The following FOCAD variants were observed in gnomAD, a reference collection of about 807,000 sequenced individuals.
FOCAD encodes the protein KIAA1797.
In FOCAD, 198 loss-of-function variants were observed where a neutral mutation model predicts 225.6. The observed-to-expected ratio is 0.88, with a 90% CI of 0.78 to 0.99. FOCAD has a LOEUF of 0.99. Ranked by LOEUF, FOCAD falls within the 50% of genes least tolerant of loss-of-function variation. The pLI, the probability that FOCAD is intolerant of heterozygous loss-of-function variation, is 0.00. For missense variants in FOCAD, 2,713 were observed against 2,123.6 expected (o/e 1.28, Z -5.46); for synonymous variants, 897 against 755.0 (o/e 1.19, Z -3.08).
Position 20,820,232 on chromosome 9 carries a change from T to C in FOCAD, c.1561-92T>C, listed in dbSNP as rs545544057. The C allele has an allele frequency of 8.7e-5, 76 of 875,836 alleles. No homozygotes were observed. In the African/African-American group the frequency reaches 1.1e-3, roughly 13 times the overall value. 54.3% of individuals were successfully genotyped at this position (875,836 alleles called of 1,614,324 possible). On this transcript the variant is annotated intron_variant, in intron 12 of 43. Transcript: ENST00000338382. ...CAGCAAGCTTTCTTCTCAGTCTTCA[T>C]TTTATAACAAGGGGTTTAAAAATGC... is the stretch of plus-strand genomic sequence containing the variant.
intron 39 of FOCAD, 87 bp downstream of exon 39, chr9:20,982,533 G>T: frequency 9.3e-7 from 1 of 1,077,252 alleles, no homozygotes. Context: ...GCTGAAGCAA[G>T]TTTTGCTTCA....
intron 21 of FOCAD, among the ~76,000 whole-genome samples, chr9:20,885,882 G>T (rs1831064631): frequency 1.3e-5 from 2 of 152,118 alleles, no homozygotes; most frequent in South Asian, 4.1e-4. Context: ...AAAACAAAAT[G>T]TCACAGCAAA....
chr9:20,693,710 A>T (rs961390462), intron 1 of FOCAD, among the ~76,000 whole-genome samples: 5 of 151,938 alleles, frequency 3.3e-5, no homozygotes, highest in African/African-American at 7.3e-5. Context: ...ATCACTATTT[A>T]TTTATTTATT....
At chr9:20,908,784 CT>C (rs1463598467) in intron 22 of FOCAD, among the ~76,000 whole-genome samples, 1 of 152,064 alleles carries the variant, frequency 6.6e-6, no homozygotes, top group Non-Finnish European at 1.5e-5. Context: ...AGAGTATGTA[CT>C]TTTTCTCACA....
intron 23 of FOCAD, among the ~76,000 whole-genome samples, chr9:20,913,681 G>A (rs1006321645): frequency 6.6e-6 from 1 of 152,112 alleles, no homozygotes; most frequent in Admixed American, 6.6e-5. Context: ...CTGTGTGTAT[G>A]TATTTGATTA....
intron 1 of FOCAD, among the ~76,000 whole-genome samples, chr9:20,708,139 A>C (rs1351730067): frequency 5.9e-5 from 9 of 152,184 alleles, no homozygotes; most frequent in African/African-American, 1.4e-4. Context: ...AGTCTTGATA[A>C]ATTTATAAAA....
intron 1 of FOCAD, among the ~76,000 whole-genome samples, chr9:20,693,180 A>G (rs938054047): frequency 6.6e-6 from 1 of 152,048 alleles, no homozygotes; most frequent in African/African-American, 2.4e-5. Context: ...TCTCTCTCTT[A>G]CTTAATCTGC....
intron 9 of FOCAD, among the ~76,000 whole-genome samples, chr9:20,779,474 C>T (rs1033371746): frequency 2.0e-5 from 3 of 152,150 alleles, no homozygotes; most frequent in East Asian, 1.9e-4. Context: ...AGGCCAGGCA[C>T]GGTGGCTCAT....
In FOCAD at chr9:20,717,822, T is replaced by G; in HGVS notation, c.86T>G (p.Leu29Arg). ...GTGGGTCATCTTATTGCTGCAGTCC[T>G]AAAGGAAAATGGTTTTTCAGAAAAG... ...QAVGHLIAAV[L>R]KENGFSEKIH... Residue 29 changes from leucine to arginine, a missense_variant, in exon 3 of 44, where the codon CTA (leucine) becomes CGA (arginine). Physicochemically the swap from Leu to Arg is moderately radical, Grantham distance 102. Coordinates refer to ENST00000338382, the MANE Select transcript of FOCAD (RefSeq NM_001375567.1). 1 of 1,612,692 alleles carries G rather than the reference T, an allele frequency of 6.2e-7. No homozygotes were observed. Among genetic ancestry groups the G allele is most frequent in the Non-Finnish European group, 8.5e-7 (1 of 1,179,448 alleles).
chr9:20,770,120 T>C lies in FOCAD; in HGVS notation c.788T>C (p.Ile263Thr). 6.2e-7 allele frequency: 1 copy of C among 1,614,100 alleles called. No individual in the cohort carries two copies. The highest frequency in any genetic ancestry group is 8.5e-7 in the Non-Finnish European group (1 of 1,179,996). The change falls in exon 8 of 44, where the codon ATT (isoleucine) becomes ACT (threonine). Residue 263 changes from isoleucine to threonine, a missense_variant. Ile to Thr is a moderately conservative substitution (Grantham distance 89). Coordinates refer to ENST00000338382, the MANE Select transcript of FOCAD (RefSeq NM_001375567.1). ...SLLRHPVFWK[I>T]QLTQMSLQLL... ...TTGCGTCATCCTGTTTTCTGGAAAATTCAGCTTACCCAGATGAGTCTTCAG... is the reference window on the plus strand; with the variant it reads ...TTGCGTCATCCTGTTTTCTGGAAAACTCAGCTTACCCAGATGAGTCTTCAG...
At chr9:20,815,399 C>T (rs958756429) in intron 11 of FOCAD, among the ~76,000 whole-genome samples, 3 of 151,476 alleles carry the variant, frequency 2.0e-5, no homozygotes, top group Non-Finnish European at 4.4e-5. Flanking sequence ...AACACCTCGG[C>T]CTCCCAAAGT....
At position 20,852,675 on chromosome 9, in the gene FOCAD, C is replaced by T. The variant is rs1587402386; in HGVS notation, c.1921-9903C>T. On this transcript the variant is annotated intron_variant, in intron 15 of 43. Coordinates refer to ENST00000338382, the MANE Select transcript of FOCAD (RefSeq NM_001375567.1). ...AGTGGTCTTAGTGTTTCTGAATTGA[C>T]TGCCTAATTCATCAATTTTTTTGAT... Among the ~76,000 whole-genome samples the T allele has an allele frequency of 2.6e-5, 4 of 151,890 alleles. No individual in the cohort carries two copies. The South Asian group carries it at 8.3e-4, about 31-fold the overall frequency.
chr9:20,889,293 T>C (rs1476923954), intron 21 of FOCAD, among the ~76,000 whole-genome samples: 1 of 152,220 alleles, frequency 6.6e-6, no homozygotes, highest in Non-Finnish European at 1.5e-5. Flanking sequence ...TTCCATGTTG[T>C]AGCATGTATT....
chr9:20,673,826 C>T (rs915201867), intron 2 of FOCAD, among the ~76,000 whole-genome samples: 1 of 152,208 alleles, frequency 6.6e-6, no homozygotes, highest in Non-Finnish European at 1.5e-5. Flanking sequence ...CCCACCTGGG[C>T]CTCTCCAAGT....
At chr9:20,911,054 T>C (rs968695115) in intron 22 of FOCAD, among the ~76,000 whole-genome samples, 7 of 152,118 alleles carry the variant, frequency 4.6e-5, no homozygotes, top group Non-Finnish European at 1.0e-4. Context: ...AAAAGCATTA[T>C]AGGAAATGTT....
At chr9:20,748,664 C>A (rs1828277400) in intron 5 of FOCAD, among the ~76,000 whole-genome samples, 1 of 152,066 alleles carries the variant, frequency 6.6e-6, no homozygotes, top group Non-Finnish European at 1.5e-5. Context: ...GCTAGTAATA[C>A]TTTTCAAGGG....
At chr9:20,888,350 G>T (rs531147969) in intron 21 of FOCAD, among the ~76,000 whole-genome samples, 2 of 151,826 alleles carry the variant, frequency 1.3e-5, no homozygotes, top group South Asian at 2.1e-4. Context: ...TGTTGGTCAG[G>T]CTGGTCTCAA....
chr9:20,716,397 A>G (rs1825338695), intron 2 of FOCAD, among the ~76,000 whole-genome samples: 1 of 152,078 alleles, frequency 6.6e-6, no homozygotes. Context: ...TCTGTTATAG[A>G]ACACTTAAGT....
At chr9:20,886,194 GTGTAAATACT>G (rs1221959234) in intron 21 of FOCAD, among the ~76,000 whole-genome samples, 2 of 130,810 alleles carry the variant, frequency 1.5e-5, no homozygotes, top group African/African-American at 5.9e-5. Context: ...AATTAAAATT[GTGTAAATACT>G]TGTTTCAGAA....
Sources: allele counts gnomAD v4.1 joint callset (sites outside exome capture counted in the v4.1 genomes callset), GRCh38; gene constraint gnomAD v4.1.1; transcripts MANE v1.5; gene names NCBI Gene and HGNC (gene_info 2026-07-23, HGNC 2026-07-21).